The following LHFPL2 variants were observed in gnomAD, a reference collection of about 807,000 sequenced individuals.
The protein encoded by LHFPL2 is LHFPL tetraspan subfamily member 2 protein.
In LHFPL2, 7 loss-of-function variants were observed where a neutral mutation model predicts 17.5. The observed-to-expected ratio is 0.40, with a 90% CI of 0.23 to 0.75. LHFPL2 has a LOEUF of 0.75. Among genes scored for constraint, LHFPL2 ranks in the 30% least tolerant of loss-of-function variants. The pLI is 0.37. For missense variants in LHFPL2, 241 were observed against 294.8 expected, an observed-to-expected ratio of 0.82 and a Z score of 1.34; for synonymous variants, 134 against 116.2, an observed-to-expected ratio of 1.15 and a Z score of -0.99.
intron 3 of LHFPL2, among the ~76,000 whole-genome samples, chr5:78,524,221 A>G (rs941720454): frequency 6.6e-6 from 1 of 152,210 alleles, no homozygotes; most frequent in African/African-American, 2.4e-5. Flanking sequence ...TCGGCCTCAC[A>G]GCCTTTTCCC....
At chr5:78,606,183 T>G (rs2112479490) in intron 2 of LHFPL2, among the ~76,000 whole-genome samples, 1 of 152,320 alleles carries the variant, frequency 6.6e-6, no homozygotes, top group Admixed American at 6.5e-5. Flanking sequence ...AAACATTTGT[T>G]TTTTAAAAAC....
chr5:78,624,577 T>G (rs1160478916), intron 2 of LHFPL2, among the ~76,000 whole-genome samples: 1 of 152,242 alleles, frequency 6.6e-6, no homozygotes, highest in Non-Finnish European at 1.5e-5. Flanking sequence ...GATCAGAGTT[T>G]GCGAATTTAA....
chr5:78,644,288 TTCC>T, intron 1 of LHFPL2: 2 of 962,714 alleles, frequency 2.1e-6, no homozygotes, highest in Non-Finnish European at 3.2e-6. Flanking sequence ...CATCTTCATC[TTCC>T]TCCTCTTCCT....
chr5:78,583,379 G>A (rs1343549907), intron 2 of LHFPL2, among the ~76,000 whole-genome samples: 3 of 151,734 alleles, frequency 2.0e-5, no homozygotes, highest in African/African-American at 7.3e-5. Flanking sequence ...TCCTAGTCTC[G>A]ATGGTCTTTA....
At chr5:78,574,887 A>G (rs757524763) in intron 2 of LHFPL2, among the ~76,000 whole-genome samples, 1 of 152,196 alleles carries the variant, frequency 6.6e-6, no homozygotes, top group East Asian at 1.9e-4. Context: ...GAGCGTCACC[A>G]AACACCTCAC....
chr5:78,589,025 C>A (rs925005574), intron 2 of LHFPL2, among the ~76,000 whole-genome samples: 1 of 152,188 alleles, frequency 6.6e-6, no homozygotes, highest in African/African-American at 2.4e-5. Flanking sequence ...GTTTTATTAT[C>A]CCCTTTTTCC....
chr5:78,620,044 TG>T (rs1744790966), intron 2 of LHFPL2, among the ~76,000 whole-genome samples: 1 of 115,538 alleles, frequency 8.7e-6, no homozygotes, highest in Admixed American at 9.6e-5. Context: ...CTGGGTCAAA[TG>T]GTATTTCTAG....
In LHFPL2 at chr5:78,499,519, C is replaced by A. The variant is rs931636533; in HGVS notation, c.430+10265G>T. ...CTGGCTCCAGAGTCCACTTCCTGAGCCTTATCCTAGACTGCTGTTTTACTG... is the reference window on the plus strand; with the variant it reads ...CTGGCTCCAGAGTCCACTTCCTGAGACTTATCCTAGACTGCTGTTTTACTG... On this transcript the variant is annotated intron_variant, in intron 4 of 4. Coordinates refer to ENST00000380345, the MANE Select transcript of LHFPL2 (RefSeq NM_005779.3). Among the ~76,000 whole-genome samples, 4 of 152,182 alleles carry A rather than the reference C, an allele frequency of 2.6e-5. No homozygotes were observed. In the East Asian group the frequency reaches 5.8e-4, roughly 22 times the overall value.
chr5:78,606,132 A>C (rs1561361896), intron 2 of LHFPL2, among the ~76,000 whole-genome samples: 2 of 152,218 alleles, frequency 1.3e-5, no homozygotes, highest in African/African-American at 4.8e-5. Context: ...AGGTTTCTTG[A>C]GGGGAACAAA....
At chr5:78,492,135 A>G (rs1754467421) in intron 4 of LHFPL2, among the ~76,000 whole-genome samples, 1 of 152,124 alleles carries the variant, frequency 6.6e-6, no homozygotes, top group Admixed American at 6.5e-5. Flanking sequence ...TGTACCCTCC[A>G]TGGGCCTTCT....
chr5:78,636,379 G>A (rs138944628), intron 1 of LHFPL2, among the ~76,000 whole-genome samples: 13 of 152,134 alleles, frequency 8.5e-5, no homozygotes, highest in Admixed American at 2.6e-4. Context: ...TCCACCTTTC[G>A]GGTAAGGAGC....
At chr5:78,551,143 A>G (rs536944983) in intron 3 of LHFPL2, among the ~76,000 whole-genome samples, 1 of 152,342 alleles carries the variant, frequency 6.6e-6, no homozygotes, top group African/African-American at 2.4e-5. Flanking sequence ...TGGAAGCCTA[A>G]CTGCAATTTC....
intron 3 of LHFPL2, among the ~76,000 whole-genome samples, chr5:78,551,014 C>CA (rs947938203): frequency 6.6e-6 from 1 of 152,218 alleles, no homozygotes; most frequent in African/African-American, 2.4e-5. Context: ...CACCAAAAGA[C>CA]AGAGCAGTCA....
At chr5:78,572,574 G>C (rs894982021) in intron 2 of LHFPL2, among the ~76,000 whole-genome samples, 1 of 151,414 alleles carries the variant, frequency 6.6e-6, no homozygotes, top group African/African-American at 2.4e-5. Context: ...TGAGGACATT[G>C]TAAGACTGTG....
At chr5:78,501,551 G>T (rs898056511) in intron 4 of LHFPL2, among the ~76,000 whole-genome samples, 2 of 152,156 alleles carry the variant, frequency 1.3e-5, no homozygotes, top group African/African-American at 2.4e-5. Context: ...GAGTCTCTTT[G>T]GAGTCTAGGT....
intron 4 of LHFPL2, among the ~76,000 whole-genome samples, chr5:78,492,679 T>C (rs1037665753): frequency 2.0e-5 from 3 of 152,202 alleles, no homozygotes; most frequent in Non-Finnish European, 2.9e-5. Context: ...GCAGGGAGAC[T>C]CTTGCTGTTG....
At chr5:78,521,982 T>G (rs576365226) in intron 3 of LHFPL2, among the ~76,000 whole-genome samples, 17 of 152,334 alleles carry the variant, frequency 1.1e-4, no homozygotes, top group African/African-American at 3.4e-4. Flanking sequence ...GCCCAGGCTC[T>G]TAACAGACCT....
In LHFPL2 at chr5:78,520,829, G is replaced by C. The variant is rs61094847; in HGVS notation, c.-185-10431C>G. Reference sequence around the variant, plus strand: ...CTAACTGCTAACTGCTACAAATGAGGCCCCCCTGCCCCGGGCCGCAGAGAT... The same window carrying C: ...CTAACTGCTAACTGCTACAAATGAGCCCCCCCTGCCCCGGGCCGCAGAGAT... On this transcript the variant is annotated intron_variant, in intron 3 of 4. Transcript: ENST00000380345. Among the ~76,000 whole-genome samples, 691 of 152,156 alleles carry C rather than the reference G, an allele frequency of 4.5e-3. 43 individuals are homozygous for C. In the East Asian group the frequency reaches 0.11, roughly 25 times the overall value.
At position 78,487,553 on chromosome 5, in the gene LHFPL2, T is replaced by C. The variant is rs996395837; in HGVS notation, c.*1344A>G. Reference sequence around the variant, plus strand: ...TGATACAATTTTGAAGCTCCCATAATGTCAGAGTAGCTTGTTTCTGTGCTG... The same window carrying C: ...TGATACAATTTTGAAGCTCCCATAACGTCAGAGTAGCTTGTTTCTGTGCTG... On this transcript the variant is annotated 3_prime_UTR_variant, in exon 5 of 5. Coordinates refer to ENST00000380345, the MANE Select transcript of LHFPL2 (RefSeq NM_005779.3). 2.0e-5 allele frequency: 3 copies of C among 152,238 alleles called. No homozygotes were observed. The East Asian group carries it at 5.8e-4, about 29-fold the overall frequency. The allele number at this position is 152,238 out of a possible 1,614,324, so 9.4% of individuals were successfully genotyped here. A position where few individuals can be genotyped will look rare whatever the true frequency, so the allele number is the denominator to read the frequency against.
Sources: allele counts gnomAD v4.1 joint callset (sites outside exome capture counted in the v4.1 genomes callset), GRCh38; gene constraint gnomAD v4.1.1; transcripts MANE v1.5; gene names NCBI Gene and HGNC (gene_info 2026-07-23, HGNC 2026-07-21).